THOC2: variants seen among roughly 807,000 people sequenced by gnomAD.
THOC2 encodes the protein THO complex subunit 2, also known as THO complex 2.
Under a neutral mutation model 128.4 loss-of-function variants are expected in THOC2, and 10 were observed. The ratio of observed to expected loss-of-function variants is 0.08; its 90% CI spans 0.05 to 0.13. THOC2 has a LOEUF of 0.13. Ranked by LOEUF, THOC2 falls within the 10% of genes least tolerant of loss-of-function variation. The probability of loss-of-function intolerance (pLI) is 1.00; values close to 1 mark genes in which losing one functional copy is unlikely to be tolerated. For synonymous variants in THOC2, 393 were observed against 396.9 expected, an observed-to-expected ratio of 0.99 and a Z score of 0.12; for missense variants, 535 against 1,155.7, an observed-to-expected ratio of 0.46 and a Z score of 7.79.
At chrX:123,618,159 C>T (rs1027480137) in intron 33 of THOC2, among the ~76,000 whole-genome samples, 1 of 111,391 alleles carries the variant, frequency 9.0e-6, no homozygotes, top group Non-Finnish European at 1.9e-5. Context: ...ATACGTTGGA[C>T]GTTTAGAATT....
intron 1 of THOC2, among the ~76,000 whole-genome samples, chrX:123,718,674 G>T (rs958754932): frequency 1.8e-5 from 2 of 109,637 alleles, no homozygotes; most frequent in Non-Finnish European, 3.8e-5. Context: ...CAGGAGAATC[G>T]CTTGGATCCA....
At chrX:123,635,435 T>C (rs1198644838) in intron 19 of THOC2, among the ~76,000 whole-genome samples, 2 of 111,924 alleles carry the variant, frequency 1.8e-5, no homozygotes, top group African/African-American at 6.5e-5. Flanking sequence ...GCTTTTAATT[T>C]TTTGTTTGTT....
intron 19 of THOC2, 127 bp from the exon 20 acceptor site, chrX:123,634,197 G>A (rs1479897567): frequency 2.5e-6 from 1 of 393,148 alleles, no homozygotes; most frequent in African/African-American, 2.6e-5. Context: ...AGGGGCTGAA[G>A]CAGTTTTTAA....
intron 11 of THOC2, 55 bp downstream of exon 11, chrX:123,667,051 T>C: frequency 1.2e-6 from 1 of 854,686 alleles, no homozygotes; most frequent in Non-Finnish European, 1.6e-6. Flanking sequence ...ATACATTTTG[T>C]TGTAGTCCTA....
At position 123,600,613 on chromosome X, in the gene THOC2, G is replaced by T. The variant is rs1336295565; in HGVS notation, c.*744C>A. On this transcript the variant is annotated 3_prime_UTR_variant, in exon 39 of 39. Transcript: ENST00000245838. ...ATTTAGAAAAAAGGTTACACTGGTA[G>T]AATTCGGCAGATAAAAAAATTCTCT... 6 of 112,431 alleles carry T rather than the reference G, an allele frequency of 5.3e-5. No individual in the cohort carries two copies. Among genetic ancestry groups the T allele is most frequent in the African/African-American group, 1.6e-4 (5 of 30,893 alleles). The allele number at this position is 112,431 out of a possible 1,213,427, so 9.3% of individuals were successfully genotyped here. A position where few individuals can be genotyped will look rare whatever the true frequency, so the allele number is the denominator to read the frequency against.
At chrX:123,688,239 G>A (rs532620944) in intron 7 of THOC2, among the ~76,000 whole-genome samples, 2 of 111,571 alleles carry the variant, frequency 1.8e-5, no homozygotes, top group African/African-American at 6.5e-5. Context: ...GCAATTTGCC[G>A]TATAGGATAA....
At chrX:123,714,824 A>G (rs1174100794) in intron 1 of THOC2, among the ~76,000 whole-genome samples, 1 of 111,742 alleles carries the variant, frequency 8.9e-6, no homozygotes, top group East Asian at 2.8e-4. Context: ...CTAGATATCA[A>G]TACCAGAAAG....
chrX:123,732,641 G>A (rs1224986040), intron 1 of THOC2, among the ~76,000 whole-genome samples: 2 of 111,446 alleles, frequency 1.8e-5, no homozygotes, highest in African/African-American at 6.5e-5. Flanking sequence ...AAGCGAAGAG[G>A]GGGACACAAA....
At chrX:123,608,752 A>G (rs1221348933) in intron 38 of THOC2, among the ~76,000 whole-genome samples, 1 of 112,343 alleles carries the variant, frequency 8.9e-6, no homozygotes, top group East Asian at 2.8e-4. Flanking sequence ...CTCAAAAGAA[A>G]AGAAACTATC....
At chrX:123,715,429 TAGAA>T (rs1279256428) in intron 1 of THOC2, among the ~76,000 whole-genome samples, 1 of 109,072 alleles carries the variant, frequency 9.2e-6, no homozygotes, top group Non-Finnish European at 1.9e-5. Flanking sequence ...CCAAAGTTAA[TAGAA>T]GGAAGGAAAT....
Position 123,612,858 on chromosome X carries a change from T to C in THOC2, c.4677+541A>G, listed in dbSNP as rs773006394. The stretch of plus-strand genomic sequence containing the variant: ...AATTTATACTTTAGTAATGGCTTGC[T>C]TATTACTTTATGGCAGATGCGTGAG... On this transcript the variant is annotated intron_variant, in intron 36 of 38. Transcript: ENST00000245838. Among the ~76,000 whole-genome samples the C allele has an allele frequency of 3.6e-5, 4 of 112,068 alleles. No homozygotes were observed. In the East Asian group the frequency reaches 8.3e-4, roughly 23 times the overall value.
At chrX:123,643,776 C>A (rs905314843) in intron 15 of THOC2, among the ~76,000 whole-genome samples, 1 of 109,696 alleles carries the variant, frequency 9.1e-6, no homozygotes, top group African/African-American at 3.3e-5. Context: ...CATGCACACA[C>A]CTGTTTTCCC....
intron 12 of THOC2, among the ~76,000 whole-genome samples, chrX:123,654,093 A>G (rs1447307345): frequency 9.0e-6 from 1 of 111,486 alleles, no homozygotes; most frequent in Non-Finnish European, 1.9e-5. Context: ...GGATGAGTTC[A>G]TGTCCTTTGC....
intron 7 of THOC2, 52 bp downstream of exon 7, chrX:123,695,969 C>T (rs776759184): frequency 2.3e-6 from 2 of 882,701 alleles, no homozygotes; most frequent in South Asian, 6.3e-5. Flanking sequence ...TCTCCAATAG[C>T]TAAAATAACT....
chrX:123,660,652 C>G (rs766151917), intron 12 of THOC2, among the ~76,000 whole-genome samples: 4 of 112,132 alleles, frequency 3.6e-5, no homozygotes, highest in Non-Finnish European at 7.5e-5. Flanking sequence ...CAGGCACTAG[C>G]TAACATGAAT....
At chrX:123,629,240 CACACACAT>C (rs1425054119) in intron 22 of THOC2, among the ~76,000 whole-genome samples, 2 of 106,304 alleles carry the variant, frequency 1.9e-5, no homozygotes, top group African/African-American at 6.9e-5. Flanking sequence ...CACACACACA[CACACACAT>C]ATATATGAAG....
intron 12 of THOC2, among the ~76,000 whole-genome samples, chrX:123,653,660 A>G (rs1024023222): frequency 8.9e-6 from 1 of 112,212 alleles, no homozygotes; most frequent in Non-Finnish European, 1.9e-5. Context: ...AAACATGAAA[A>G]AAATGCTCAT....
At chrX:123,731,030 T>C (rs1486624014) in intron 1 of THOC2, among the ~76,000 whole-genome samples, 3 of 112,408 alleles carry the variant, frequency 2.7e-5, no homozygotes, top group Non-Finnish European at 5.6e-5. Context: ...AGCCCCTAAA[T>C]AAATGAGCTG....
chrX:123,645,833 A>G (rs982615045), intron 12 of THOC2, among the ~76,000 whole-genome samples: 6 of 111,418 alleles, frequency 5.4e-5, no homozygotes, highest in Admixed American at 9.5e-5. Context: ...ATGGTGGCGC[A>G]CACCTGTAGT....
Sources: allele counts gnomAD v4.1 joint callset (sites outside exome capture counted in the v4.1 genomes callset), GRCh38; gene constraint gnomAD v4.1.1; transcripts MANE v1.5; gene names NCBI Gene and HGNC (gene_info 2026-07-23, HGNC 2026-07-21).